PFKL: variants seen among roughly 807,000 people sequenced by gnomAD.
PFKL encodes the protein phosphofructokinase, liver type.
A neutral mutation model predicts 92.1 loss-of-function variants in PFKL; 74 were observed. The observed-to-expected ratio is 0.80, with a 90% CI of 0.67 to 0.97. PFKL has a LOEUF of 0.97. Ranked by LOEUF, PFKL falls within the 50% of genes least tolerant of loss-of-function variation. PFKL has a pLI of 0.00. For synonymous variants in PFKL, 494 were observed against 456.4 expected, an observed-to-expected ratio of 1.08 and a Z score of -1.05; for missense variants, 1,028 against 1,116.6, an observed-to-expected ratio of 0.92 and a Z score of 1.13.
rs2146478542 is a variant in PFKL at position 44,316,183 on chromosome 21, G to C, written c.748-61G>C. ...CCAGGGAGGGCTCCTGGCACCCGGGGGCTGTGTCCGGGGCAGGTTTCCCTG... is the reference window on the plus strand; with the variant it reads ...CCAGGGAGGGCTCCTGGCACCCGGGCGCTGTGTCCGGGGCAGGTTTCCCTG... On this transcript the variant is annotated intron_variant, in intron 7 of 21. Coordinates refer to ENST00000349048, the MANE Select transcript of PFKL (RefSeq NM_002626.6). 3 of 1,514,714 alleles carry C rather than the reference G, an allele frequency of 2.0e-6. No individual in the cohort carries two copies. In the Admixed American group the frequency reaches 5.0e-5, roughly 25 times the overall value. 93.8% of individuals were successfully genotyped at this position (1,514,714 alleles called of 1,614,324 possible).
At chr21:44,308,558 A>ATT (rs368772998) in intron 2 of PFKL, among the ~76,000 whole-genome samples, 1,397 of 137,636 alleles carry the variant, frequency 0.01, 29 homozygotes, top group African/African-American at 0.032. Flanking sequence ...GGGGGGTAGG[A>ATT]ATTTTTTTTT....
At position 44,323,037 on chromosome 21, in the gene PFKL, C is replaced by G; in HGVS notation, c.1485C>G (p.Val495=). Residue 495 remains valine, a synonymous_variant, in exon 15 of 22, where the codon GTC becomes GTG. Transcript: ENST00000349048. ...ATGGTATTCACGCCCTGCTGGTGGT[C>G]GGTGGGTTTGAGGTGAGAGCTGCCC... ...RIYGIHALLV[V]GGFEAYEGVL... 6.2e-7 allele frequency: 1 copy of G among 1,612,872 alleles called. No individual in the cohort carries two copies. Among genetic ancestry groups the G allele is most frequent in the Middle Eastern group, 1.7e-4 (1 of 6,034 alleles).
chr21:44,311,456 A>G (rs576464982), intron 3 of PFKL, among the ~76,000 whole-genome samples: 1 of 152,322 alleles, frequency 6.6e-6, no homozygotes, highest in Non-Finnish European at 1.5e-5. Flanking sequence ...ATAAATACAC[A>G]GATACACACG....
At chr21:44,304,448 T>A (rs1380380211) in intron 1 of PFKL, 8 of 1,212,700 alleles carry the variant, frequency 6.6e-6, no homozygotes, top group Non-Finnish European at 8.4e-6. Context: ...AGCTGCTGCC[T>A]GCCAGAGGTG....
At position 44,300,162 on chromosome 21, in the gene PFKL, C is replaced by T. The variant is rs1250767842; in HGVS notation, c.57C>T (p.Gly19=). Residue 19 remains glycine (G), a synonymous_variant, in exon 1 of 22, where the codon GGC becomes GGT. Transcript: ENST00000349048. ...LRASGAGKAI[G]VLTSGGDAQG... is the part of the protein sequence containing the mutation. Reference sequence around the variant, plus strand: ...CGTCGGGCGCGGGCAAGGCCATCGGCGTCCTGACCAGCGGCGGCGACGCGC... The same window carrying T: ...CGTCGGGCGCGGGCAAGGCCATCGGTGTCCTGACCAGCGGCGGCGACGCGC... The T allele has an allele frequency of 2.6e-6, 3 of 1,175,424 alleles. No homozygotes were observed. Among genetic ancestry groups the T allele is most frequent in the African/African-American group, 3.3e-5 (2 of 60,778 alleles). The allele number at this position is 1,175,424 out of a possible 1,614,324, so 72.8% of individuals were successfully genotyped here.
chr21:44,317,182 C>T (rs1400021427), intron 9 of PFKL, among the ~76,000 whole-genome samples: 2 of 152,226 alleles, frequency 1.3e-5, no homozygotes, highest in Non-Finnish European at 1.5e-5. Context: ...AGGCAAAATG[C>T]CTGTGTATGA....
chr21:44,319,252 C>T (rs919594643), intron 10 of PFKL, 99 bp from the exon 11 acceptor site: 9 of 1,026,042 alleles, frequency 8.8e-6, no homozygotes, highest in Admixed American at 3.6e-5. Flanking sequence ...CAGGAGATGC[C>T]GGCCAGATCT....
chr21:44,313,928 AT>A lies in PFKL; in HGVS notation c.655del (p.Ser219LeufsTer39). ...GRHCGYLALV[S>X]ALASGADWLF... Reference sequence around the variant, plus strand: ...GCTCCTCCAGGTACCTGGCGCTGGTATCTGCACTGGCCTCAGGGGCCGACTG... The same window carrying A: ...GCTCCTCCAGGTACCTGGCGCTGGTACTGCACTGGCCTCAGGGGCCGACTG... On this transcript the variant is annotated frameshift_variant, in exon 7 of 22. Transcript: ENST00000349048. LOFTEE classifies it high-confidence loss of function. The A allele has an allele frequency of 6.3e-7, 1 of 1,599,968 alleles. No individual in the cohort carries two copies. Among genetic ancestry groups the A allele is most frequent in the South Asian group, 1.1e-5 (1 of 88,728 alleles).
Position 44,323,879 on chromosome 21 carries a change from C to A in PFKL, c.1611C>A (p.Phe537Leu). The change falls in exon 16 of 22, where the codon TTC (phenylalanine) becomes TTA (leucine). Residue 537 changes from phenylalanine (F) to leucine (L), a missense_variant. Physicochemically the swap from Phe to Leu is conservative, Grantham distance 22 (BLOSUM62 0). Coordinates refer to ENST00000349048, the MANE Select transcript of PFKL (RefSeq NM_002626.6). ...TISNNVPGTD[F>L]SLGSDTAVNA... ...GCAACAACGTCCCTGGCACCGACTT[C>A]AGCCTGGGCTCCGACACTGCTGTAA... 5 of 1,613,564 alleles carry A rather than the reference C, an allele frequency of 3.1e-6. No individual in the cohort carries two copies. The highest frequency in any genetic ancestry group is 4.2e-6 in the Non-Finnish European group (5 of 1,179,964).
At chr21:44,305,846 A>T in intron 1 of PFKL, 1 of 1,366,504 alleles carries the variant, frequency 7.3e-7, no homozygotes, top group Non-Finnish European at 9.8e-7. Flanking sequence ...TGTTTCTTTC[A>T]CTGCAGTCCT....
chr21:44,313,555 G>T, intron 5 of PFKL, 83 bp from the exon 6 acceptor site: 1 of 1,347,700 alleles, frequency 7.4e-7, no homozygotes, highest in Non-Finnish European at 1.0e-6. Context: ...CCATCCACTG[G>T]GTCCCTTGAG....
Position 44,312,282 on chromosome 21 carries a change from C to T in PFKL, c.415C>T (p.Leu139=). The T allele has an allele frequency of 6.3e-7, 1 of 1,591,364 alleles. No homozygotes were observed. The change falls in exon 4 of 22, where the codon CTG becomes TTG. Residue 139 remains leucine (L), a synonymous_variant. Transcript: ENST00000349048. The part of the protein sequence containing the change: ...RSEWGSLLEE[L]VAEGKISETT... Reference sequence around the variant, plus strand: ...CGAGTGGGGCAGCCTGCTGGAGGAGCTGGTGGCGGAAGGTGGGTCTGTGCC... The same window carrying T: ...CGAGTGGGGCAGCCTGCTGGAGGAGTTGGTGGCGGAAGGTGGGTCTGTGCC...
At position 44,300,121 on chromosome 21, in the gene PFKL, C is replaced by T. The variant is rs956808533; in HGVS notation, c.16C>T (p.Leu6=). 5 of 1,181,718 alleles carry T rather than the reference C, an allele frequency of 4.2e-6. No homozygotes were observed. In the African/African-American group the frequency reaches 4.9e-5, roughly 12 times the overall value. The allele number at this position is 1,181,718 out of a possible 1,614,324, so 73.2% of individuals were successfully genotyped here. The change falls in exon 1 of 22, where the codon CTG becomes TTG. Residue 6 remains leucine (L), a synonymous_variant. Coordinates refer to ENST00000349048, the MANE Select transcript of PFKL (RefSeq NM_002626.6). MAAVD[L]EKLRASGAGK... ...GGCCGCCGCCATGGCCGCGGTGGAC[C>T]TGGAGAAGCTGCGGGCGTCGGGCGC... is the stretch of plus-strand genomic sequence containing the variant.
rs1405032106 is a variant in PFKL, at chr21:44,318,554, A to T, written c.1021A>T (p.Asn341Tyr). ...GGCCTGCGTGGTCACCCTCTCGGGG[A>T]ACCAGTCAGTGCGGCTGCCCCTCAT... Reference protein sequence around the residue: ...TPACVVTLSGNQSVRLPLMEC... With the variant: ...TPACVVTLSGYQSVRLPLMEC... The change falls in exon 10 of 22, where the codon AAC becomes TAC. Residue 341 changes from asparagine (N) to tyrosine (Y), a missense_variant. By Grantham distance (143) the Asn-to-Tyr change is moderately radical. Coordinates refer to ENST00000349048, the MANE Select transcript of PFKL (RefSeq NM_002626.6). 1.9e-6 allele frequency: 3 copies of T among 1,572,748 alleles called. No homozygotes were observed. The highest frequency in any genetic ancestry group is 3.5e-4 in the Middle Eastern group (2 of 5,776).
chr21:44,324,772 G>A, intron 17 of PFKL, 84 bp from the exon 18 acceptor site: 1 of 1,577,366 alleles, frequency 6.3e-7, no homozygotes, highest in Non-Finnish European at 8.7e-7. Flanking sequence ...GTAGCCCAGT[G>A]CTCCTGCTGG....
At chr21:44,318,627 C>T (rs1420172511) in intron 10 of PFKL, 32 bp downstream of exon 10, 1 of 1,441,108 alleles carries the variant, frequency 6.9e-7, no homozygotes, top group African/African-American at 1.4e-5. Flanking sequence ...TCAGAACCGC[C>T]TGGCCCCTCT....
At chr21:44,319,883 G>T in intron 11 of PFKL, 2 of 556,592 alleles carry the variant, frequency 3.6e-6, no homozygotes, top group Admixed American at 6.4e-5. Context: ...ACGGGCTGGC[G>T]TGGCCTCGTG....
At chr21:44,311,301 G>A (rs1267762612) in intron 3 of PFKL, among the ~76,000 whole-genome samples, 3 of 147,408 alleles carry the variant, frequency 2.0e-5, no homozygotes, top group Non-Finnish European at 4.5e-5. Flanking sequence ...GGCGCGCACA[G>A]ACACAGACAC....
chr21:44,307,353 T>G, intron 2 of PFKL: 1 of 969,526 alleles, frequency 1.0e-6, no homozygotes. Flanking sequence ...ACACTTGCGC[T>G]CACACATGTG....
Sources: gnomAD v4.1 joint callset for allele counts (sites outside exome capture counted in the v4.1 genomes callset) on GRCh38, gnomAD v4.1.1 for gene constraint, MANE v1.5 for transcripts, NCBI Gene and HGNC (gene_info 2026-07-23, HGNC 2026-07-21) for gene names.